BNC2: variants seen among roughly 807,000 people sequenced by gnomAD.
The protein encoded by BNC2 is zinc finger protein basonuclin-2.
Under a neutral mutation model 76.3 loss-of-function variants are expected in BNC2, and 20 were observed. That is an observed-to-expected ratio of 0.26 (90% CI 0.18 to 0.38). BNC2 has a LOEUF of 0.38. Among genes scored for constraint, BNC2 ranks in the 10% least tolerant of loss-of-function variants. The probability of loss-of-function intolerance (pLI) is 1.00; values close to 1 mark genes in which losing one functional copy is unlikely to be tolerated. For synonymous variants in BNC2, 582 were observed against 514.8 expected, an observed-to-expected ratio of 1.13 and a Z score of -1.77; for missense variants, 1,382 against 1,399.8, an observed-to-expected ratio of 0.99 and a Z score of 0.20.
rs138046839 is a variant in BNC2, at chr9:16,569,270, T to C, written c.433+13713A>G. Among the ~76,000 whole-genome samples the C allele has an allele frequency of 1.4e-4, 21 of 152,202 alleles. No individual in the cohort carries two copies. In the East Asian group the frequency reaches 3.7e-3, roughly 27 times the overall value. On this transcript the variant is annotated intron_variant, in intron 4 of 6. Coordinates refer to ENST00000380672, the MANE Select transcript of BNC2 (RefSeq NM_017637.6). ...CTCTTAATACATGAGGGATAATGTATAAATACTCTCATGGTTTATTATGAA... is the reference window on the plus strand; with the variant it reads ...CTCTTAATACATGAGGGATAATGTACAAATACTCTCATGGTTTATTATGAA...
rs139432117 is a variant in BNC2 at position 16,566,221 on chromosome 9, C to T, written c.434-13456G>A. Among the ~76,000 whole-genome samples the T allele has an allele frequency of 5.2e-3, 795 of 152,226 alleles. 7 individuals are homozygous for T. Among genetic ancestry groups the T allele is most frequent in the African/African-American group, 0.018 (755 of 41,538 alleles). ...TCAAGACCTTGATTTTGAGCAGCAA[C>T]CATACCTGAAACAAAATCACTAAAG... On this transcript the variant is annotated intron_variant, in intron 4 of 6. Coordinates refer to ENST00000380672, the MANE Select transcript of BNC2 (RefSeq NM_017637.6).
At chr9:16,647,125 C>T (rs1041064036) in intron 3 of BNC2, among the ~76,000 whole-genome samples, 4 of 152,194 alleles carry the variant, frequency 2.6e-5, no homozygotes, top group Non-Finnish European at 5.9e-5. Flanking sequence ...TCATATTCCT[C>T]AAGCAAACAT....
intron 3 of BNC2, among the ~76,000 whole-genome samples, chr9:16,611,961 C>G (rs1036531968): frequency 6.6e-6 from 1 of 152,032 alleles, no homozygotes; most frequent in Admixed American, 6.6e-5. Context: ...ACTAGACCAC[C>G]TAACTTCAAT....
intron 6 of BNC2, chr9:16,429,858 G>T (rs1820871633): frequency 4.3e-6 from 2 of 465,012 alleles, no homozygotes; most frequent in Admixed American, 4.6e-5. Flanking sequence ...TGAAAGGTCA[G>T]CAGAGGCTTA....
intron 5 of BNC2, among the ~76,000 whole-genome samples, chr9:16,464,985 G>C (rs1376176475): frequency 1.3e-5 from 2 of 152,250 alleles, no homozygotes; most frequent in East Asian, 3.9e-4. Flanking sequence ...GGATGATTCA[G>C]TGAATTCTAA....
intron 5 of BNC2, among the ~76,000 whole-genome samples, chr9:16,514,318 G>C (rs1003080506): frequency 1.3e-5 from 2 of 152,188 alleles, no homozygotes; most frequent in South Asian, 4.1e-4. Context: ...ACCATTCAAA[G>C]AGGATAGCTG....
At chr9:16,688,111 G>C (rs1035908621) in intron 3 of BNC2, among the ~76,000 whole-genome samples, 1 of 152,018 alleles carries the variant, frequency 6.6e-6, no homozygotes, top group East Asian at 1.9e-4. Context: ...AATCAAAATT[G>C]GTTCACAAAG....
At chr9:16,791,413 C>A (rs1817509091) in intron 1 of BNC2, among the ~76,000 whole-genome samples, 1 of 151,998 alleles carries the variant, frequency 6.6e-6, no homozygotes, top group Non-Finnish European at 1.5e-5. Context: ...TGTTGAGGGA[C>A]TAGTATTATT....
intron 5 of BNC2, among the ~76,000 whole-genome samples, chr9:16,535,825 T>C (rs1047728751): frequency 6.6e-6 from 1 of 152,192 alleles, no homozygotes; most frequent in South Asian, 2.1e-4. Context: ...ATGAAGCAAG[T>C]AGACACTTTA....
chr9:16,735,493 C>A (rs1042280986), intron 2 of BNC2, among the ~76,000 whole-genome samples: 6 of 151,320 alleles, frequency 4.0e-5, no homozygotes, highest in African/African-American at 1.5e-4. Context: ...ATGTTAATTT[C>A]TTTGTTTTTT....
At chr9:16,596,678 T>G (rs1373578166) in intron 3 of BNC2, among the ~76,000 whole-genome samples, 1 of 152,274 alleles carries the variant, frequency 6.6e-6, no homozygotes, top group Non-Finnish European at 1.5e-5. Context: ...GTTGATTCCC[T>G]GGCTGGCCAA....
chr9:16,744,091 C>T (rs950167049), intron 1 of BNC2, among the ~76,000 whole-genome samples: 1 of 152,106 alleles, frequency 6.6e-6, no homozygotes, highest in Non-Finnish European at 1.5e-5. Flanking sequence ...CTCAGCCTCC[C>T]GAGTAGCTAG....
intron 3 of BNC2, among the ~76,000 whole-genome samples, chr9:16,652,633 C>T (rs960870246): frequency 6.6e-6 from 1 of 152,024 alleles, no homozygotes; most frequent in Non-Finnish European, 1.5e-5. Flanking sequence ...GTTTTTACAC[C>T]CTAAGTGCAC....
intron 3 of BNC2, among the ~76,000 whole-genome samples, chr9:16,712,632 A>G (rs1400383023): frequency 6.6e-6 from 1 of 152,236 alleles, no homozygotes; most frequent in Non-Finnish European, 1.5e-5. Flanking sequence ...CACACTGCAC[A>G]GATTATCTCT....
intron 3 of BNC2, among the ~76,000 whole-genome samples, chr9:16,698,865 A>G (rs1052589231): frequency 1.3e-5 from 2 of 152,270 alleles, no homozygotes; most frequent in Admixed American, 6.5e-5. Context: ...CTAAAAATAC[A>G]TTAACAGTTC....
intron 5 of BNC2, among the ~76,000 whole-genome samples, chr9:16,463,820 G>T (rs1403626597): frequency 6.6e-6 from 1 of 151,924 alleles, no homozygotes; most frequent in Non-Finnish European, 1.5e-5. Context: ...ACTTTGGGAG[G>T]CCCGGTGGCT....
At chr9:16,810,735 A>T (rs985974742) in intron 1 of BNC2, among the ~76,000 whole-genome samples, 5 of 152,228 alleles carry the variant, frequency 3.3e-5, no homozygotes, top group Non-Finnish European at 7.3e-5. Context: ...AAATGCTTAA[A>T]GCCAGTGATC....
At chr9:16,865,135 A>G (rs779226262) in intron 1 of BNC2, among the ~76,000 whole-genome samples, 4 of 152,158 alleles carry the variant, frequency 2.6e-5, no homozygotes, top group Middle Eastern at 3.4e-3. Context: ...GTAGGTTGTT[A>G]CATCTTTGTA....
Position 16,763,823 on chromosome 9 carries a change from T to C in BNC2, c.4-25338A>G, listed in dbSNP as rs532804017. Reference sequence around the variant, plus strand: ...CCCGCAAAAGAATGCTCAAGTACCATGTCACAAAGGGTGGCAACATCATCT... The same window carrying C: ...CCCGCAAAAGAATGCTCAAGTACCACGTCACAAAGGGTGGCAACATCATCT... On this transcript the variant is annotated intron_variant, in intron 1 of 6. Transcript: ENST00000380672. 5.9e-5 allele frequency among the ~76,000 whole-genome samples: 9 copies of C among 152,260 alleles called. No homozygotes were observed. In the East Asian group the frequency reaches 1.7e-3, roughly 29 times the overall value.
Sources: allele counts gnomAD v4.1 joint callset (sites outside exome capture counted in the v4.1 genomes callset), GRCh38; gene constraint gnomAD v4.1.1; transcripts MANE v1.5; gene names NCBI Gene and HGNC (gene_info 2026-07-23, HGNC 2026-07-21).